The following PRKACB variants were observed in gnomAD, a reference collection of about 807,000 sequenced individuals.
PRKACB encodes the protein cAMP-dependent protein kinase catalytic subunit beta.
A neutral mutation model predicts 51.4 loss-of-function variants in PRKACB; 16 were observed. The observed-to-expected ratio is 0.31, with a 90% confidence interval of 0.21 to 0.47. The LOEUF is 0.47. Ranked by LOEUF, PRKACB falls within the 20% of genes least tolerant of loss-of-function variation. The pLI, the probability that PRKACB is intolerant of heterozygous loss-of-function variation, is 1.00. For synonymous variants in PRKACB, 147 were observed against 154.4 expected (o/e 0.95, Z 0.35); for missense variants, 309 against 464.5 (o/e 0.67, Z 3.08).
chr1:84,185,609 T>C (rs1664850107), intron 5 of PRKACB, among the ~76,000 whole-genome samples: 1 of 151,894 alleles, frequency 6.6e-6, no homozygotes, highest in South Asian at 2.1e-4. Flanking sequence ...TATAAAAGTT[T>C]GTTTTTCACA....
rs543514432 is a variant in PRKACB, at chr1:84,154,678, AT to A, written c.187+10132del. ...AAAATTCTCAACAAAATACTAGCAA[AT>A]TAAATTCAACAGCACATTAAAGGAT... On this transcript the variant is annotated intron_variant, in intron 1 of 9. Transcript: ENST00000370685. Among the ~76,000 whole-genome samples the A allele has an allele frequency of 3.1e-3, 478 of 152,304 alleles. 5 individuals are homozygous for A. The highest frequency in any genetic ancestry group is 0.011 in the African/African-American group (457 of 41,582).
chr1:84,087,362 C>G (rs1648096624), intron 1 of PRKACB, among the ~76,000 whole-genome samples: 2 of 151,064 alleles, frequency 1.3e-5, no homozygotes, highest in African/African-American at 4.9e-5. Context: ...ACTATTCTTC[C>G]AAACTTATAA....
chr1:84,224,585 G>T (rs1337391172), intron 9 of PRKACB, among the ~76,000 whole-genome samples: 2 of 152,206 alleles, frequency 1.3e-5, no homozygotes, highest in Non-Finnish European at 2.9e-5. Flanking sequence ...GCAATCCCCA[G>T]GCCCTCAGAT....
In PRKACB at chr1:84,158,899, C is replaced by T. The variant is rs1655844521; in HGVS notation, c.187+14351C>T. On this transcript the variant is annotated intron_variant, in intron 1 of 9. Coordinates refer to ENST00000370685, the MANE Select transcript of PRKACB (RefSeq NM_182948.4). The stretch of plus-strand genomic sequence containing the variant: ...CTACTTGTTAAAAAGAATTTCCTTT[C>T]TCTATTTAATTATCTTGGCATCTTT... Among the ~76,000 whole-genome samples, 3 of 152,012 alleles carry T rather than the reference C, an allele frequency of 2.0e-5. No homozygotes were observed. The South Asian group carries it at 6.2e-4, about 31-fold the overall frequency.
chr1:84,189,721 A>G (rs550790356), intron 5 of PRKACB, among the ~76,000 whole-genome samples: 1 of 152,108 alleles, frequency 6.6e-6, no homozygotes, highest in South Asian at 2.1e-4. Flanking sequence ...GATCTCAGGA[A>G]GAAATGTGGC....
chr1:84,086,009 T>C, intron 1 of PRKACB: 1 of 790,588 alleles, frequency 1.3e-6, no homozygotes, highest in African/African-American at 1.7e-5. Context: ...GTGTGGACCC[T>C]GCAAGATCCT....
intron 9 of PRKACB, among the ~76,000 whole-genome samples, chr1:84,223,016 T>C (rs1558323742): frequency 6.6e-6 from 1 of 152,194 alleles, no homozygotes; most frequent in Non-Finnish European, 1.5e-5. Context: ...TTGTATCTAT[T>C]TGATGTTTGA....
chr1:84,231,834 G>A (rs1437513535), intron 9 of PRKACB, among the ~76,000 whole-genome samples: 6 of 151,930 alleles, frequency 3.9e-5, no homozygotes, highest in African/African-American at 1.5e-4. Flanking sequence ...AGTCTTGCTA[G>A]CAGTCTATCA....
At chr1:84,190,111 A>T (rs1666315994) in intron 5 of PRKACB, among the ~76,000 whole-genome samples, 1 of 151,784 alleles carries the variant, frequency 6.6e-6, no homozygotes, top group Non-Finnish European at 1.5e-5. Context: ...TATACTTTTC[A>T]TACAACATAT....
chr1:84,184,244 C>CA, intron 4 of PRKACB, 109 bp downstream of exon 4: 1 of 884,060 alleles, frequency 1.1e-6, no homozygotes, highest in Non-Finnish European at 1.7e-6. Flanking sequence ...TATGAATAAA[C>CA]AAAACGAATA....
chr1:84,119,127 T>C (rs2100875694), intron 1 of PRKACB, among the ~76,000 whole-genome samples: 1 of 152,292 alleles, frequency 6.6e-6, no homozygotes, highest in Admixed American at 6.5e-5. Flanking sequence ...CTCTGCCATG[T>C]CTTTCTCTGT....
At chr1:84,196,194 G>T (rs1026973351) in intron 5 of PRKACB, among the ~76,000 whole-genome samples, 1 of 152,138 alleles carries the variant, frequency 6.6e-6, no homozygotes, top group Non-Finnish European at 1.5e-5. Flanking sequence ...TCTACATAGG[G>T]AAATTCTATA....
intron 1 of PRKACB, among the ~76,000 whole-genome samples, chr1:84,169,052 A>G (rs1191859381): frequency 6.6e-6 from 1 of 151,652 alleles, no homozygotes; most frequent in Non-Finnish European, 1.5e-5. Flanking sequence ...AGAAGGGCCA[A>G]AGAAAAACCA....
intron 1 of PRKACB, among the ~76,000 whole-genome samples, chr1:84,154,809 C>G (rs1655261404): frequency 6.6e-6 from 1 of 152,046 alleles, no homozygotes; most frequent in African/African-American, 2.4e-5. Context: ...TCAGTAGATG[C>G]AGAGAAAGCA....
chr1:84,079,442 C>CT (rs1358956833), intron 1 of PRKACB, among the ~76,000 whole-genome samples: 2 of 151,976 alleles, frequency 1.3e-5, no homozygotes, highest in Non-Finnish European at 2.9e-5. Flanking sequence ...AAGAAAATAG[C>CT]TTTTTTCTGT....
In PRKACB at chr1:84,235,365, G is replaced by A; in HGVS notation, c.*60G>A. The A allele has an allele frequency of 1.2e-6, 2 of 1,602,930 alleles. No individual in the cohort carries two copies. The highest frequency in any genetic ancestry group is 1.7e-6 in the Non-Finnish European group (2 of 1,174,128). Reference sequence around the variant, plus strand: ...TGTTTGCACTCTGTTGAGAGATAAGGTAGAGCTGAGACCGTCCTTGTTGAA... The same window carrying A: ...TGTTTGCACTCTGTTGAGAGATAAGATAGAGCTGAGACCGTCCTTGTTGAA... On this transcript the variant is annotated 3_prime_UTR_variant, in exon 10 of 10. Transcript: ENST00000370685.
chr1:84,229,677 G>A (rs909279148), intron 9 of PRKACB, among the ~76,000 whole-genome samples: 2 of 151,210 alleles, frequency 1.3e-5, no homozygotes, highest in Non-Finnish European at 3.0e-5. Context: ...TTTCTCTGAT[G>A]GCCAGTGATG....
chr1:84,218,322 A>C (rs2101607156), intron 9 of PRKACB, among the ~76,000 whole-genome samples: 1 of 152,252 alleles, frequency 6.6e-6, no homozygotes, highest in South Asian at 2.1e-4. Context: ...ACACACACAC[A>C]TCCTTCTCAG....
upstream of PRKACB, among the ~76,000 whole-genome samples, chr1:84,143,792 A>C (rs1260946714): frequency 6.6e-6 from 1 of 152,088 alleles, no homozygotes; most frequent in Non-Finnish European, 1.5e-5. Context: ...TTAAAGTGCT[A>C]TTTCACATTG....
Sources: allele counts gnomAD v4.1 joint callset (sites outside exome capture counted in the v4.1 genomes callset), GRCh38; gene constraint gnomAD v4.1.1; transcripts MANE v1.5; gene names NCBI Gene and HGNC (gene_info 2026-07-23, HGNC 2026-07-21).